OXR1: variants seen among roughly 807,000 people sequenced by gnomAD.
The protein encoded by OXR1 is oxidation resistance protein 1.
In OXR1, 41 loss-of-function variants were observed where a neutral mutation model predicts 104.6. The observed-to-expected ratio is 0.39, with a 90% CI of 0.31 to 0.51. The LOEUF (loss-of-function observed/expected upper bound fraction) is 0.51, where lower values mean the gene tolerates loss of function less well. Ranked by LOEUF, OXR1 falls within the 20% of genes least tolerant of loss-of-function variation. OXR1 has a pLI of 0.77. For synonymous variants in OXR1, 348 were observed against 348.4 expected (o/e 1.00, Z 0.01); for missense variants, 955 against 1,031.9 (o/e 0.93, Z 1.02).
chr8:106,284,822 G>T (rs1365223491), intron 1 of OXR1, among the ~76,000 whole-genome samples: 2 of 151,664 alleles, frequency 1.3e-5, no homozygotes, highest in Non-Finnish European at 2.9e-5. Context: ...AAAAAAAAAG[G>T]CTGTTAAAAT....
chr8:106,445,137 C>G (rs895397701), intron 2 of OXR1, among the ~76,000 whole-genome samples: 1 of 152,130 alleles, frequency 6.6e-6, no homozygotes, highest in African/African-American at 2.4e-5. Flanking sequence ...CACCTGCTGT[C>G]CTATTATTAA....
At chr8:106,483,906 T>A (rs1224165609) in intron 2 of OXR1, among the ~76,000 whole-genome samples, 1 of 152,108 alleles carries the variant, frequency 6.6e-6, no homozygotes, top group African/African-American at 2.4e-5. Context: ...TGATTGAATG[T>A]ACATTTGATT....
chr8:106,638,256 A>G (rs1201432627), intron 3 of OXR1, among the ~76,000 whole-genome samples: 1 of 152,170 alleles, frequency 6.6e-6, no homozygotes, highest in African/African-American at 2.4e-5. Flanking sequence ...AGTTAACTAC[A>G]TATTCCCAAA....
intron 1 of OXR1, among the ~76,000 whole-genome samples, chr8:106,349,107 G>T (rs1815616431): frequency 1.3e-5 from 2 of 152,048 alleles, no homozygotes; most frequent in East Asian, 1.9e-4. Context: ...TCAAGTATTT[G>T]CCAATGATAT....
chr8:106,514,839 T>C (rs1490750140), intron 2 of OXR1, among the ~76,000 whole-genome samples: 1 of 152,136 alleles, frequency 6.6e-6, no homozygotes, highest in Non-Finnish European at 1.5e-5. Flanking sequence ...TGTAAATAAT[T>C]GTTAATAATG....
chr8:106,436,172 C>T (rs1819558039), intron 2 of OXR1, among the ~76,000 whole-genome samples: 1 of 152,052 alleles, frequency 6.6e-6, no homozygotes, highest in Admixed American at 6.6e-5. Context: ...CCATAGCTAC[C>T]ATTTCATGTC....
At chr8:106,361,669 G>A (rs974698299) in intron 2 of OXR1, among the ~76,000 whole-genome samples, 1 of 151,780 alleles carries the variant, frequency 6.6e-6, no homozygotes, top group African/African-American at 2.4e-5. Context: ...TTTTATTTTG[G>A]GGATTATTGT....
In OXR1 at chr8:106,720,704, G is replaced by A; in HGVS notation, c.1956+6719G>A. 1.0e-5 allele frequency: 10 copies of A among 977,928 alleles called. 1 individual carries two copies. In the African/African-American group the frequency reaches 1.2e-4, roughly 12 times the overall value. The allele number at this position is 977,928 out of a possible 1,614,324, so 60.6% of individuals were successfully genotyped here. On this transcript the variant is annotated intron_variant, in intron 11 of 16. Coordinates refer to ENST00000517566, the MANE Select transcript of OXR1 (RefSeq NM_001198533.2). ...ACTTCCATCATGTTGTGTACTCAGA[G>A]ATACTACAAGGAGAGGAAGATCAAA...
At chr8:106,671,673 A>G (rs1361293650) in intron 3 of OXR1, among the ~76,000 whole-genome samples, 1 of 152,052 alleles carries the variant, frequency 6.6e-6, no homozygotes, top group African/African-American at 2.4e-5. Context: ...TTGCAGGGAC[A>G]TGGATGAAGC....
intron 2 of OXR1, among the ~76,000 whole-genome samples, chr8:106,500,892 T>A (rs887933165): frequency 6.6e-6 from 1 of 152,146 alleles, no homozygotes; most frequent in Non-Finnish European, 1.5e-5. Context: ...CTTACATCAT[T>A]AGTAAAAGGG....
chr8:106,437,230 A>G (rs1819616608), intron 2 of OXR1, among the ~76,000 whole-genome samples: 1 of 152,154 alleles, frequency 6.6e-6, no homozygotes, highest in Non-Finnish European at 1.5e-5. Flanking sequence ...CTTGTGGTTA[A>G]TCTCTTTTAA....
intron 1 of OXR1, among the ~76,000 whole-genome samples, chr8:106,339,492 C>CAAAAA (rs562959605): frequency 2.6e-4 from 2 of 7,584 alleles, no homozygotes; most frequent in African/African-American, 1.1e-3. Flanking sequence ...AGACTCCATC[C>CAAAAA]AAAAAAAAAA....
chr8:106,715,007 C>T (rs2131418260), intron 11 of OXR1, among the ~76,000 whole-genome samples: 1 of 152,168 alleles, frequency 6.6e-6, no homozygotes, highest in Non-Finnish European at 1.5e-5. Flanking sequence ...TATTTTAATA[C>T]TTAAACCAAC....
intron 3 of OXR1, among the ~76,000 whole-genome samples, chr8:106,546,131 C>G (rs186296611): frequency 6.6e-6 from 1 of 152,226 alleles, no homozygotes; most frequent in East Asian, 1.9e-4. Context: ...TCATTCTACC[C>G]GAGAGTCTGT....
At chr8:106,559,861 A>G (rs1612878) in intron 3 of OXR1, among the ~76,000 whole-genome samples, 140,691 of 152,266 alleles carry the variant, frequency 0.92, 65,050 homozygotes, top group East Asian at 1. Context: ...CAACATAGGA[A>G]TTTTGATGGG....
At chr8:106,479,134 C>A (rs1474203994) in intron 2 of OXR1, among the ~76,000 whole-genome samples, 1 of 151,948 alleles carries the variant, frequency 6.6e-6, no homozygotes, top group African/African-American at 2.4e-5. Flanking sequence ...CTAAATACTA[C>A]ATTAACATAA....
At chr8:106,569,481 C>A (rs940258938) in intron 3 of OXR1, among the ~76,000 whole-genome samples, 1 of 152,136 alleles carries the variant, frequency 6.6e-6, no homozygotes, top group Non-Finnish European at 1.5e-5. Context: ...AGCAAATCAT[C>A]GCATCCTAAG....
chr8:106,536,277 G>A (rs2130285647), intron 3 of OXR1, among the ~76,000 whole-genome samples: 1 of 151,590 alleles, frequency 6.6e-6, no homozygotes, highest in South Asian at 2.1e-4. Flanking sequence ...CAAAAATGTA[G>A]GAAGCAGTTC....
intron 1 of OXR1, among the ~76,000 whole-genome samples, chr8:106,316,702 TATCTATCTATCTATC>T (rs1290873510): frequency 4.9e-5 from 5 of 102,926 alleles, no homozygotes; most frequent in Non-Finnish European, 7.9e-5. Flanking sequence ...TCTATCTATC[TATCTATCTATCTATC>T]ATCTATCTAT....
Sources: gnomAD v4.1 joint callset for allele counts (sites outside exome capture counted in the v4.1 genomes callset) on GRCh38, gnomAD v4.1.1 for gene constraint, MANE v1.5 for transcripts, NCBI Gene and HGNC (gene_info 2026-07-23, HGNC 2026-07-21) for gene names.